The following ZBTB16 variants were observed in gnomAD, a reference collection of about 807,000 sequenced individuals.
The protein encoded by ZBTB16 is zinc finger and BTB domain containing 16.
ZBTB16 carries 8 observed loss-of-function variants against 56.8 expected under a neutral mutation model. The observed-to-expected ratio is 0.14, with a 90% CI of 0.08 to 0.25. The LOEUF is 0.25. ZBTB16 is among the 10% of genes least tolerant of loss of function. ZBTB16 has a pLI of 1.00. For missense variants in ZBTB16, 625 were observed against 903.0 expected, an observed-to-expected ratio of 0.69 and a Z score of 3.95; for synonymous variants, 363 against 368.5, an observed-to-expected ratio of 0.98 and a Z score of 0.17.
chr11:114,188,871 G>C (rs184988879), intron 4 of ZBTB16: 2 of 152,344 alleles, frequency 1.3e-5, no homozygotes, highest in Non-Finnish European at 2.9e-5. Context: ...GTTAGGGAAG[G>C]CCTCTCCAAG....
At chr11:114,164,838 T>C (rs1432508393) in intron 3 of ZBTB16, among the ~76,000 whole-genome samples, 1 of 152,010 alleles carries the variant, frequency 6.6e-6, no homozygotes. Flanking sequence ...TGGTGGCAGG[T>C]ATTTATTTTT....
At chr11:114,181,926 G>A (rs681855) in intron 3 of ZBTB16, among the ~76,000 whole-genome samples, 28,573 of 152,138 alleles carry the variant, frequency 0.19, 3,206 homozygotes, top group African/African-American at 0.32. Context: ...CCTGGCGAGG[G>A]TGTTCTCACG....
intron 2 of ZBTB16, among the ~76,000 whole-genome samples, chr11:114,084,670 C>T (rs1384793788): frequency 1.3e-5 from 2 of 152,116 alleles, no homozygotes; most frequent in African/African-American, 4.8e-5. Flanking sequence ...ATCCCAGAGC[C>T]CTGTTCCTCC....
At chr11:114,120,901 G>A (rs1416408808) in intron 2 of ZBTB16, among the ~76,000 whole-genome samples, 1 of 152,178 alleles carries the variant, frequency 6.6e-6, no homozygotes, top group Non-Finnish European at 1.5e-5. Flanking sequence ...TGGACTCTGT[G>A]TTCCCTCTCC....
At chr11:114,136,390 A>T (rs1326837504) in intron 2 of ZBTB16, among the ~76,000 whole-genome samples, 1 of 151,750 alleles carries the variant, frequency 6.6e-6, no homozygotes, top group African/African-American at 2.4e-5. Context: ...TAAGGGAGGG[A>T]CTCTTGAGCT....
At chr11:114,111,957 A>G (rs1395889251) in intron 2 of ZBTB16, among the ~76,000 whole-genome samples, 1 of 152,020 alleles carries the variant, frequency 6.6e-6, no homozygotes, top group Non-Finnish European at 1.5e-5. Flanking sequence ...TTCCAGACGC[A>G]CTTCAATAAA....
At position 114,253,076 on chromosome 11, in the gene ZBTB16, A is replaced by G. The variant is rs546440461; in HGVS notation, c.*2521A>G. On this transcript the variant is annotated 3_prime_UTR_variant, in exon 7 of 7. Transcript: ENST00000335953. ...GGCCGTCTGTAAGAAATCATTATGCACTATGGCTTCCTCCTCTGGTCTGGG... is the reference window on the plus strand; with the variant it reads ...GGCCGTCTGTAAGAAATCATTATGCGCTATGGCTTCCTCCTCTGGTCTGGG... Among the ~76,000 whole-genome samples, 4 of 152,308 alleles carry G rather than the reference A, an allele frequency of 2.6e-5. No individual in the cohort carries two copies. The East Asian group carries it at 5.8e-4, about 22-fold the overall frequency.
intron 4 of ZBTB16, among the ~76,000 whole-genome samples, chr11:114,211,443 G>A (rs979319426): frequency 5.3e-5 from 8 of 152,132 alleles, no homozygotes; most frequent in East Asian, 3.8e-4. Context: ...AATAGTGCCC[G>A]CCTCCTAGAG....
chr11:114,220,024 G>A (rs918423924), intron 4 of ZBTB16, among the ~76,000 whole-genome samples: 5 of 152,200 alleles, frequency 3.3e-5, no homozygotes, highest in Non-Finnish European at 5.9e-5. Flanking sequence ...TGTCCCAGAC[G>A]AACTTCTCCA....
At chr11:114,220,513 A>C (rs1041727130) in intron 4 of ZBTB16, among the ~76,000 whole-genome samples, 4 of 152,146 alleles carry the variant, frequency 2.6e-5, no homozygotes, top group Admixed American at 1.3e-4. Context: ...CTCAACTTTA[A>C]ATTCCAACCC....
intron 2 of ZBTB16, among the ~76,000 whole-genome samples, chr11:114,091,362 A>G (rs1940180108): frequency 6.6e-6 from 1 of 151,902 alleles, no homozygotes; most frequent in African/African-American, 2.4e-5. Context: ...AAAACAAAAC[A>G]ACAACAAAAA....
chr11:114,111,829 A>G (rs1376546645), intron 2 of ZBTB16, among the ~76,000 whole-genome samples: 1 of 152,214 alleles, frequency 6.6e-6, no homozygotes. Context: ...TTCTGGGTCC[A>G]CAGATGCCAG....
intron 4 of ZBTB16, among the ~76,000 whole-genome samples, chr11:114,198,740 A>C (rs2135096007): frequency 6.6e-6 from 1 of 152,292 alleles, no homozygotes; most frequent in South Asian, 2.1e-4. Context: ...TGGTGAGTCT[A>C]CGCTGGCACA....
chr11:114,220,498 C>T (rs914657179), intron 4 of ZBTB16, among the ~76,000 whole-genome samples: 13 of 152,128 alleles, frequency 8.5e-5, no homozygotes, highest in African/African-American at 3.1e-4. Flanking sequence ...TACCTTGGAG[C>T]CCTTCTCAAC....
At chr11:114,161,401 A>G (rs981561347) in intron 3 of ZBTB16, among the ~76,000 whole-genome samples, 2 of 152,214 alleles carry the variant, frequency 1.3e-5, no homozygotes, top group African/African-American at 4.8e-5. Context: ...TGTGCACTTA[A>G]CAGTGAAGAC....
intron 4 of ZBTB16, among the ~76,000 whole-genome samples, chr11:114,227,337 G>T (rs1196617246): frequency 6.6e-6 from 1 of 152,228 alleles, no homozygotes. Flanking sequence ...TCAGCAGACA[G>T]GGGAGGATGT....
chr11:114,211,970 C>G (rs1469311928), intron 4 of ZBTB16, among the ~76,000 whole-genome samples: 2 of 152,158 alleles, frequency 1.3e-5, no homozygotes, highest in African/African-American at 4.8e-5. Flanking sequence ...GGCAGGGGGA[C>G]TCGCCCTCCT....
intron 4 of ZBTB16, among the ~76,000 whole-genome samples, chr11:114,229,050 T>A (rs957103719): frequency 6.6e-6 from 1 of 152,076 alleles, no homozygotes; most frequent in African/African-American, 2.4e-5. Context: ...ACACACACAC[T>A]CACACAGAAA....
intron 2 of ZBTB16, among the ~76,000 whole-genome samples, chr11:114,102,471 A>G (rs1940646254): frequency 1.3e-5 from 2 of 152,112 alleles, no homozygotes; most frequent in Non-Finnish European, 2.9e-5. Flanking sequence ...CCTTCATCAC[A>G]GCAGTGGTAA....
Sources: allele counts gnomAD v4.1 joint callset (sites outside exome capture counted in the v4.1 genomes callset), GRCh38; gene constraint gnomAD v4.1.1; transcripts MANE v1.5; gene names NCBI Gene and HGNC (gene_info 2026-07-23, HGNC 2026-07-21).